SLC25A17: variants seen among roughly 807,000 people sequenced by gnomAD.
SLC25A17 encodes solute carrier family 25 member 17.
In SLC25A17, 26 loss-of-function variants were observed where a neutral mutation model predicts 38.5. The ratio of observed to expected loss-of-function variants is 0.68; its 90% CI spans 0.50 to 0.94. SLC25A17 has a LOEUF of 0.94. SLC25A17 is among the 40% of genes least tolerant of loss of function. SLC25A17 has a pLI of 0.00. For synonymous variants in SLC25A17, 139 were observed against 136.2 expected (o/e 1.02, Z -0.14); for missense variants, 333 against 372.7 (o/e 0.89, Z 0.88).
chr22:40,806,462 G>C (rs1031535070), intron 1 of SLC25A17, among the ~76,000 whole-genome samples: 2 of 152,020 alleles, frequency 1.3e-5, no homozygotes, highest in African/African-American at 4.8e-5. Flanking sequence ...GAGCTTGCAA[G>C]AAAGTAAGGG....
intron 5 of SLC25A17, among the ~76,000 whole-genome samples, chr22:40,777,864 A>G (rs1432868138): frequency 1.3e-5 from 2 of 152,076 alleles, no homozygotes; most frequent in African/African-American, 4.8e-5. Flanking sequence ...TGATAATCAG[A>G]CATTGACAGT....
At chr22:40,797,845 G>A (rs894281563) in intron 2 of SLC25A17, among the ~76,000 whole-genome samples, 9 of 152,120 alleles carry the variant, frequency 5.9e-5, no homozygotes, top group Admixed American at 2.6e-4. Context: ...CCCTTCCTCC[G>A]CAGCCAACAA....
At chr22:40,817,174 T>C (rs2057649772) in intron 1 of SLC25A17, 1 of 152,268 alleles carries the variant, frequency 6.6e-6, no homozygotes, top group Non-Finnish European at 1.5e-5. Flanking sequence ...ATCAACATGA[T>C]AAATTCTCAG....
In SLC25A17 at chr22:40,792,586, T is replaced by G. The variant is rs1163969523; in HGVS notation, c.273A>C (p.Ala91=). The part of the protein sequence containing the change: ...VYFYTFNSLK[A]LWVKGQHSTT... ...TAGAATGTTGACCTTTGACCCAGAGTGCTTTGAGGCTATTAAAAGTGTAGA... is the reference window on the plus strand; with the variant it reads ...TAGAATGTTGACCTTTGACCCAGAGGGCTTTGAGGCTATTAAAAGTGTAGA... The change falls in exon 4 of 9, where the codon GCA becomes GCC. Residue 91 remains alanine, a synonymous_variant. Transcript: ENST00000435456. 2 of 1,613,752 alleles carry G rather than the reference T, an allele frequency of 1.2e-6. No homozygotes were observed. The highest frequency in any genetic ancestry group is 1.7e-6 in the Non-Finnish European group (2 of 1,179,944).
intron 3 of SLC25A17, among the ~76,000 whole-genome samples, chr22:40,794,055 G>C (rs1006222973): frequency 6.6e-6 from 1 of 152,142 alleles, no homozygotes; most frequent in Non-Finnish European, 1.5e-5. Flanking sequence ...AACAGGAAAA[G>C]ATGTTAACAG....
At chr22:40,779,183 G>C in intron 4 of SLC25A17, 58 bp from the exon 5 acceptor site, 1 of 1,612,878 alleles carries the variant, frequency 6.2e-7, no homozygotes, top group African/African-American at 1.3e-5. Flanking sequence ...TTTAAGCTTT[G>C]CTGCTTTAAA....
chr22:40,806,602 A>G (rs547763028), intron 1 of SLC25A17, among the ~76,000 whole-genome samples: 54 of 152,278 alleles, frequency 3.5e-4, no homozygotes, highest in African/African-American at 1.3e-3. Context: ...TGAAATTAAC[A>G]TATTATAAAA....
chr22:40,796,708 T>C (rs761142517), intron 2 of SLC25A17, among the ~76,000 whole-genome samples: 5 of 152,044 alleles, frequency 3.3e-5, no homozygotes, highest in Admixed American at 6.6e-5. Context: ...TCTGGGAATT[T>C]ATCCCATAGA....
intron 4 of SLC25A17, chr22:40,784,639 G>A: frequency 5.1e-6 from 1 of 197,232 alleles, no homozygotes; most frequent in South Asian, 6.1e-5. Flanking sequence ...AGCTGGGTGT[G>A]GTGGCATCCC....
chr22:40,813,394 C>T (rs779076745), intron 1 of SLC25A17, among the ~76,000 whole-genome samples: 2 of 152,068 alleles, frequency 1.3e-5, no homozygotes, highest in African/African-American at 4.8e-5. Context: ...AAAAATGAGC[C>T]AGGAGTGGTG....
At chr22:40,812,299 T>C (rs924019568) in intron 1 of SLC25A17, among the ~76,000 whole-genome samples, 3 of 152,146 alleles carry the variant, frequency 2.0e-5, no homozygotes, top group African/African-American at 7.2e-5. Flanking sequence ...CCTGTAAATA[T>C]CTAAAGTATA....
rs1163454493 is a variant in SLC25A17 at position 40,779,029 on chromosome 22, G to C, written c.431C>G (p.Thr144Arg). ...CTTACCAATGATACCTTTGTAGTTT[G>C]TTGGTACAATGTCTTCATTCCTAAA... is the stretch of plus-strand genomic sequence containing the variant. ...AKFRNEDIVP[T>R]NYKGIIDAFH... The change falls in exon 5 of 9, where the codon ACA becomes AGA. Residue 144 changes from threonine to arginine, a missense_variant. By Grantham distance (71) the Thr-to-Arg change is moderately conservative (BLOSUM62 -1). Coordinates refer to ENST00000435456, the MANE Select transcript of SLC25A17 (RefSeq NM_006358.4). 2.2e-5 allele frequency: 35 copies of C among 1,613,800 alleles called. No homozygotes were observed. The highest frequency in any genetic ancestry group is 3.0e-5 in the Non-Finnish European group (35 of 1,179,684).
chr22:40,819,069 A>G (rs2057670124), intron 1 of SLC25A17, 126 bp downstream of exon 1: 1 of 978,730 alleles, frequency 1.0e-6, no homozygotes, highest in African/African-American at 1.6e-5. Flanking sequence ...TCTGCCCCAC[A>G]GTCATGACAG....
In SLC25A17 at chr22:40,819,338, G is replaced by C; in HGVS notation, c.-90C>G. The C allele has an allele frequency of 5.2e-6, 7 of 1,356,302 alleles. No individual in the cohort carries two copies. Among genetic ancestry groups the C allele is most frequent in the Non-Finnish European group, 6.0e-6 (6 of 992,774 alleles). 84.0% of individuals were successfully genotyped at this position (1,356,302 alleles called of 1,614,324 possible). A position where few individuals can be genotyped will look rare whatever the true frequency, so the allele number is the denominator to read the frequency against. On this transcript the variant is annotated 5_prime_UTR_variant, in exon 1 of 9. Coordinates refer to ENST00000435456, the MANE Select transcript of SLC25A17 (RefSeq NM_006358.4). ...AAAGGAGCACCGGAGCTCAGGGTGT[G>C]AGAGTCGCAATCCCCGCCCTCTCAA...
chr22:40,790,446 T>A (rs2145672351), intron 4 of SLC25A17, among the ~76,000 whole-genome samples: 1 of 150,142 alleles, frequency 6.7e-6, no homozygotes, highest in Non-Finnish European at 1.5e-5. Flanking sequence ...ACTGACTTTT[T>A]AAAATTGAGC....
At chr22:40,810,264 A>G (rs1033553445) in intron 1 of SLC25A17, among the ~76,000 whole-genome samples, 1 of 152,056 alleles carries the variant, frequency 6.6e-6, no homozygotes, top group Admixed American at 6.6e-5. Flanking sequence ...GCTGTATCTA[A>G]TATGTTCAGA....
At chr22:40,805,222 C>A (rs990076822) in intron 1 of SLC25A17, among the ~76,000 whole-genome samples, 1 of 152,218 alleles carries the variant, frequency 6.6e-6, no homozygotes, top group Non-Finnish European at 1.5e-5. Flanking sequence ...GTAATCCCAG[C>A]TACTCGGGAG....
Position 40,789,787 on chromosome 22 carries a change from C to T in SLC25A17, c.334+2738G>A, listed in dbSNP as rs974154043. ...CCTCTCAAAGTGCTGGGATTACAGG[C>T]GTGAGCCACCGCGCCTGGTCTAAAA... On this transcript the variant is annotated intron_variant, in intron 4 of 8. Coordinates refer to ENST00000435456, the MANE Select transcript of SLC25A17 (RefSeq NM_006358.4). This position sits in a 1 kb window ranked among gnomAD's most constrained non-coding sequence, Gnocchi z 4.5. 2.0e-5 allele frequency among the ~76,000 whole-genome samples: 3 copies of T among 151,494 alleles called. 1 individual carries two copies. The highest frequency in any genetic ancestry group is 4.4e-5 in the Non-Finnish European group (3 of 67,912).
Position 40,779,001 on chromosome 22 carries a change from A to G in SLC25A17, c.451+8T>C. On this transcript the variant is annotated splice_region_variant and intron_variant, in intron 5 of 8. Coordinates refer to ENST00000435456, the MANE Select transcript of SLC25A17 (RefSeq NM_006358.4). ...CCTTAAATAGGAATTCAGCAAAGAG[A>G]TACTTACCAATGATACCTTTGTAGT... The G allele has an allele frequency of 6.2e-7, 1 of 1,604,200 alleles. No individual in the cohort carries two copies.
Sources: gnomAD v4.1 joint callset for allele counts (sites outside exome capture counted in the v4.1 genomes callset) on GRCh38, gnomAD v4.1.1 for gene constraint, Gnocchi (gnomAD v3.1) non-coding constraint, MANE v1.5 for transcripts, NCBI Gene and HGNC (gene_info 2026-07-23, HGNC 2026-07-21) for gene names.